The following STMND1 variants were observed in gnomAD, a reference collection of about 807,000 sequenced individuals.
The protein encoded by STMND1 is stathmin domain-containing protein 1.
A neutral mutation model predicts 23.0 loss-of-function variants in STMND1; 17 were observed. That is an observed-to-expected ratio of 0.74 (90% CI 0.51 to 1.11). The LOEUF (loss-of-function observed/expected upper bound fraction) is 1.11, where lower values mean the gene tolerates loss of function less well. STMND1 is among the 50% of genes least tolerant of loss of function. The pLI is 0.00. For synonymous variants in STMND1, 114 were observed against 119.9 expected (o/e 0.95, Z 0.32); for missense variants, 305 against 329.1 (o/e 0.93, Z 0.57).
chr6:17,103,931 C>T (rs1760980792), intron 1 of STMND1, among the ~76,000 whole-genome samples: 1 of 152,140 alleles, frequency 6.6e-6, no homozygotes, highest in African/African-American at 2.4e-5. Flanking sequence ...ACAAGTTTCT[C>T]CTCCACACTG....
rs918451073 is a variant in STMND1, at chr6:17,130,834, G to A, written c.784G>A (p.Val262Met). ...CGAAAGTGATGAAAGTTTTGGGGTC[G>A]TGGAGTCAGACATGTCCTACAACCA... Reference protein sequence around the residue: ...RNESDESFGVVESDMSYNQAD... With the variant: ...RNESDESFGVMESDMSYNQAD... The change falls in exon 5 of 5, where the codon GTG becomes ATG. Residue 262 changes from valine (V) to methionine (M), a missense_variant. Val to Met is a conservative substitution (Grantham distance 21). Coordinates refer to ENST00000536551, the MANE Select transcript of STMND1 (RefSeq NM_001190766.2). 15 of 1,535,430 alleles carry A rather than the reference G, an allele frequency of 9.8e-6. No individual in the cohort carries two copies. Among genetic ancestry groups the A allele is most frequent in the African/African-American group, 1.4e-5 (1 of 73,006 alleles).
intron 3 of STMND1, 59 bp from the exon 4 acceptor site, chr6:17,129,053 C>T: frequency 6.7e-7 from 1 of 1,490,418 alleles, no homozygotes; most frequent in Non-Finnish European, 9.0e-7. Flanking sequence ...ACTCTTTTGC[C>T]CTTCTCTTCT....
rs138168633 is a variant in STMND1 at position 17,117,155 on chromosome 6, G to A, written c.259+2016G>A. 9.2e-3 allele frequency among the ~76,000 whole-genome samples: 1,401 copies of A among 151,996 alleles called. 21 individuals carry two copies. The highest frequency in any genetic ancestry group is 0.031 in the African/African-American group (1,288 of 41,444). Reference sequence around the variant, plus strand: ...GCCATCTCGACTCACTGCAACCTCCGCCTCCTGGGTTCAAGCAATTCTCCT... The same window carrying A: ...GCCATCTCGACTCACTGCAACCTCCACCTCCTGGGTTCAAGCAATTCTCCT... On this transcript the variant is annotated intron_variant, in intron 2 of 4. Transcript: ENST00000536551.
chr6:17,126,115 A>T (rs2113493479), intron 3 of STMND1, among the ~76,000 whole-genome samples: 1 of 113,134 alleles, frequency 8.8e-6, no homozygotes, highest in Admixed American at 1.2e-4. Context: ...ACAGGGTCTG[A>T]CTACATTGCC....
chr6:17,130,868 A>C lies in STMND1; in HGVS notation c.818A>C (p.Asp273Ala). The C allele has an allele frequency of 6.6e-7, 1 of 1,522,528 alleles. No homozygotes were observed. Among genetic ancestry groups the C allele is most frequent in the Non-Finnish European group, 8.8e-7 (1 of 1,138,686 alleles). 94.3% of individuals were successfully genotyped at this position (1,522,528 alleles called of 1,614,324 possible). ...ESDMSYNQAD[D>A]IVY The stretch of plus-strand genomic sequence containing the variant: ...GACATGTCCTACAACCAAGCAGATG[A>C]CATAGTCTACTAAGCCATTTTTTGT... The change falls in exon 5 of 5, where the codon GAC (aspartate) becomes GCC (alanine). Residue 273 changes from aspartate to alanine, a missense_variant. Transcript: ENST00000536551.
Position 17,120,777 on chromosome 6 carries a change from A to G in STMND1, c.411+19A>G. On this transcript the variant is annotated intron_variant, in intron 3 of 4. Coordinates refer to ENST00000536551, the MANE Select transcript of STMND1 (RefSeq NM_001190766.2). The stretch of plus-strand genomic sequence containing the variant: ...TGTCACGGCAAGTAATTTTGTAATT[A>G]ACATTAGCTTATAGTTAAAATTAGC... The G allele has an allele frequency of 6.6e-7, 1 of 1,505,324 alleles. No individual in the cohort carries two copies. Among genetic ancestry groups the G allele is most frequent in the Non-Finnish European group, 8.9e-7 (1 of 1,129,658 alleles). The allele number at this position is 1,505,324 out of a possible 1,614,324, so 93.2% of individuals were successfully genotyped here. A position where few individuals can be genotyped will look rare whatever the true frequency, so the allele number is the denominator to read the frequency against.
rs936626312 is a variant in STMND1 at position 17,130,623 on chromosome 6, A to G, written c.573A>G (p.Leu191=). Residue 191 remains leucine, a synonymous_variant, in exon 5 of 5, where the codon CTA becomes CTG. Transcript: ENST00000536551. ...KTKEEEIRKR[L]RSDRLLPSAN... is the part of the protein sequence containing the mutation. ...AAGAAGAAGAAATAAGAAAAAGGCT[A>G]CGGAGTGACCGACTTTTGCCTTCAG... 6.5e-7 allele frequency: 1 copy of G among 1,534,750 alleles called. No individual in the cohort carries two copies. Among genetic ancestry groups the G allele is most frequent in the African/African-American group, 1.4e-5 (1 of 73,114 alleles).
intron 3 of STMND1, among the ~76,000 whole-genome samples, chr6:17,124,514 G>A (rs1761271306): frequency 1.3e-5 from 2 of 152,138 alleles, no homozygotes; most frequent in Admixed American, 6.5e-5. Flanking sequence ...CTTCCGAATC[G>A]GGGGCATCCC....
intron 2 of STMND1, among the ~76,000 whole-genome samples, chr6:17,116,894 CCTT>C (rs1428245995): frequency 3.9e-5 from 6 of 152,106 alleles, no homozygotes; most frequent in African/African-American, 1.4e-4. Context: ...CAAATGTTAA[CCTT>C]CTGCCACATT....
rs1271845893 is a variant in STMND1, at chr6:17,130,816, G to A, written c.766G>A (p.Asp256Asn). The change falls in exon 5 of 5, where the codon GAT becomes AAT. Residue 256 changes from aspartate to asparagine, a missense_variant. Asp to Asn is a conservative substitution (Grantham distance 23, BLOSUM62 1). Coordinates refer to ENST00000536551, the MANE Select transcript of STMND1 (RefSeq NM_001190766.2). Reference sequence around the variant, plus strand: ...AACCTTGATTGATAGAAACGAAAGTGATGAAAGTTTTGGGGTCGTGGAGTC... The same window carrying A: ...AACCTTGATTGATAGAAACGAAAGTAATGAAAGTTTTGGGGTCGTGGAGTC... ...DATLIDRNESDESFGVVESDM... is the reference protein window; with the variant it reads ...DATLIDRNESNESFGVVESDM... The A allele has an allele frequency of 1.3e-6, 2 of 1,536,002 alleles. No homozygotes were observed. Among genetic ancestry groups the A allele is most frequent in the East Asian group, 4.9e-5 (2 of 40,910 alleles).
intron 1 of STMND1, among the ~76,000 whole-genome samples, chr6:17,111,585 T>C (rs949998218): frequency 6.6e-6 from 1 of 152,168 alleles, no homozygotes; most frequent in African/African-American, 2.4e-5. Context: ...TAGAGCGAGG[T>C]AGACCTATGT....
At chr6:17,123,625 A>T (rs1461899945) in intron 3 of STMND1, among the ~76,000 whole-genome samples, 2 of 152,128 alleles carry the variant, frequency 1.3e-5, no homozygotes, top group African/African-American at 4.8e-5. Flanking sequence ...GTTGAGAACT[A>T]CTGCCGTGAA....
At chr6:17,112,694 G>A (rs974973439) in intron 1 of STMND1, among the ~76,000 whole-genome samples, 12 of 152,140 alleles carry the variant, frequency 7.9e-5, no homozygotes, top group South Asian at 4.2e-4. Context: ...GGAGAATGGC[G>A]TGAACCCGGG....
At chr6:17,120,463 A>G (rs1371594017) in intron 2 of STMND1, 144 bp from the exon 3 acceptor site, 3 of 591,686 alleles carry the variant, frequency 5.1e-6, no homozygotes, top group East Asian at 2.9e-5. Flanking sequence ...AAGGATCACA[A>G]AGACTTATAA....
Position 17,130,591 on chromosome 6 carries a change from C to T in STMND1, c.544-3C>T. Reference sequence around the variant, plus strand: ...TTTTTCATTCTTTAATACTGCATTTCAGACTAAAGAAGAAGAAATAAGAAA... The same window carrying T: ...TTTTTCATTCTTTAATACTGCATTTTAGACTAAAGAAGAAGAAATAAGAAA... On this transcript the variant is annotated splice_polypyrimidine_tract_variant and splice_region_variant and intron_variant, in intron 4 of 4. Transcript: ENST00000536551. The T allele has an allele frequency of 2.0e-6, 3 of 1,502,052 alleles. No homozygotes were observed. The African/African-American group carries it at 4.2e-5, about 21-fold the overall frequency. The allele number at this position is 1,502,052 out of a possible 1,614,324, so 93.0% of individuals were successfully genotyped here.
chr6:17,120,474 T>C (rs1486947047), intron 2 of STMND1, 133 bp from the exon 3 acceptor site: 2 of 624,230 alleles, frequency 3.2e-6, no homozygotes, highest in East Asian at 2.8e-5. Context: ...AGACTTATAA[T>C]AGAAATATAT....
intron 3 of STMND1, among the ~76,000 whole-genome samples, chr6:17,123,765 C>G (rs1233770101): frequency 1.3e-5 from 2 of 152,036 alleles, no homozygotes; most frequent in African/African-American, 4.8e-5. Context: ...GAAAATATAC[C>G]ATTTCAGGAA....
At chr6:17,122,897 G>A (rs568074323) in intron 3 of STMND1, among the ~76,000 whole-genome samples, 3 of 152,228 alleles carry the variant, frequency 2.0e-5, no homozygotes, top group South Asian at 4.2e-4. Context: ...TATCAAAGGG[G>A]AGAGGAAAGA....
rs550541561 is a variant in STMND1, at chr6:17,122,926, T to A, written c.411+2168T>A. ...GGAAAGATTTTTTTCTAGCTGTAGG[T>A]GAGTCTGTAGGGGTCAGGAAAAAAG... On this transcript the variant is annotated intron_variant, in intron 3 of 4. Coordinates refer to ENST00000536551, the MANE Select transcript of STMND1 (RefSeq NM_001190766.2). Among the ~76,000 whole-genome samples the A allele has an allele frequency of 1.3e-3, 197 of 151,846 alleles. 1 individual carries two copies. Among genetic ancestry groups the A allele is most frequent in the South Asian group, 9.2e-3 (44 of 4,784 alleles).
Sources: allele counts gnomAD v4.1 joint callset (sites outside exome capture counted in the v4.1 genomes callset), GRCh38; gene constraint gnomAD v4.1.1; transcripts MANE v1.5; gene names NCBI Gene and HGNC (gene_info 2026-07-23, HGNC 2026-07-21).